ASRGL1: variants seen among roughly 807,000 people sequenced by gnomAD.
The protein encoded by ASRGL1 is isoaspartyl peptidase/L-asparaginase.
ASRGL1 carries 16 observed loss-of-function variants against 22.4 expected under a neutral mutation model. The ratio of observed to expected loss-of-function variants is 0.71; its 90% CI spans 0.48 to 1.08. The LOEUF is 1.08. Ranked by LOEUF, ASRGL1 falls within the 50% of genes least tolerant of loss-of-function variation. The pLI is 0.00. For missense variants in ASRGL1, 412 were observed against 410.1 expected, an observed-to-expected ratio of 1.00 and a Z score of -0.04; for synonymous variants, 165 against 159.3, an observed-to-expected ratio of 1.04 and a Z score of -0.27.
chr11:62,345,913 C>T (rs935434450), intron 2 of ASRGL1, among the ~76,000 whole-genome samples: 1 of 152,122 alleles, frequency 6.6e-6, no homozygotes, highest in Non-Finnish European at 1.5e-5. Context: ...AATGCTCATG[C>T]GCCTGCCACT....
rs550727059 is a variant in ASRGL1, at chr11:62,393,323, G to A, written c.*1039G>A. ...TTCTGCTGTATCATCCGTGCTCAAC[G>A]TTTTAGTCTGTCAGGCTCACCTTCT... On this transcript the variant is annotated 3_prime_UTR_variant, in exon 7 of 7. Coordinates refer to ENST00000415229, the MANE Select transcript of ASRGL1 (RefSeq NM_001083926.2). 1 of 152,298 alleles carries A rather than the reference G, an allele frequency of 6.6e-6. No individual in the cohort carries two copies. The highest frequency in any genetic ancestry group is 1.9e-4 in the East Asian group (1 of 5,192). 9.4% of individuals were successfully genotyped at this position (152,298 alleles called of 1,614,324 possible).
Position 62,357,441 on chromosome 11 carries a change from T to C in ASRGL1, c.491+297T>C, listed in dbSNP as rs1188347176. Among the ~76,000 whole-genome samples, 6 of 122,298 alleles carry C rather than the reference T, an allele frequency of 4.9e-5. No homozygotes were observed. In the East Asian group the frequency reaches 1.2e-3, roughly 24 times the overall value. The allele number at this position is 122,298 out of a possible 152,430, so 80.2% of individuals were successfully genotyped here. ...ATTTTTTTTTTTTTTTTTTTTTTTT[T>C]AGTAGAGGCGGGGTTTCGCCGTGTT... is the stretch of plus-strand genomic sequence containing the variant. On this transcript the variant is annotated intron_variant, in intron 4 of 6. Coordinates refer to ENST00000415229, the MANE Select transcript of ASRGL1 (RefSeq NM_001083926.2).
intron 4 of ASRGL1, among the ~76,000 whole-genome samples, chr11:62,361,481 AT>A (rs35345092): frequency 0.16 from 15,999 of 100,796 alleles, 744 homozygotes; most frequent in East Asian, 0.27. Flanking sequence ...AACCTGGCCA[AT>A]TTTTTTTTTT....
chr11:62,338,664 G>A (rs948215808), intron 2 of ASRGL1, among the ~76,000 whole-genome samples: 1 of 152,086 alleles, frequency 6.6e-6, no homozygotes, highest in Admixed American at 6.5e-5. Flanking sequence ...GGTTTAGCAC[G>A]GTGGCTCACG....
Position 62,391,532 on chromosome 11 carries a change from T to C in ASRGL1, c.621T>C (p.Gly207=). ...VGDSPCLGAG[G]YADNDIGAVS... ...ACCCTTTTTGAGCAGGAGCTGGAGG[T>C]TATGCCGACAATGACATCGGAGCCG... is the stretch of plus-strand genomic sequence containing the variant. The change falls in exon 6 of 7, where the codon GGT becomes GGC. Residue 207 remains glycine, a synonymous_variant. Transcript: ENST00000415229. 1 of 1,611,224 alleles carries C rather than the reference T, an allele frequency of 6.2e-7. No individual in the cohort carries two copies. The highest frequency in any genetic ancestry group is 8.5e-7 in the Non-Finnish European group (1 of 1,178,704).
At chr11:62,389,377 G>C in intron 5 of ASRGL1, 126 bp downstream of exon 5, 2 of 948,154 alleles carry the variant, frequency 2.1e-6, no homozygotes, top group Non-Finnish European at 3.4e-6. Context: ...GCAGCTCCAG[G>C]ATGTCTGGGA....
At chr11:62,388,327 A>C (rs1947261306) in intron 4 of ASRGL1, among the ~76,000 whole-genome samples, 1 of 152,164 alleles carries the variant, frequency 6.6e-6, no homozygotes, top group Admixed American at 6.6e-5. Flanking sequence ...CCCCATGCAC[A>C]GGGTCCATAG....
At chr11:62,374,313 A>G (rs1461992486) in intron 4 of ASRGL1, among the ~76,000 whole-genome samples, 1 of 152,150 alleles carries the variant, frequency 6.6e-6, no homozygotes, top group Non-Finnish European at 1.5e-5. Context: ...CGCTGTGTGC[A>G]CTGCACTGAG....
chr11:62,371,257 T>C, intron 4 of ASRGL1: 2 of 1,340,912 alleles, frequency 1.5e-6, no homozygotes, highest in Non-Finnish European at 2.0e-6. Flanking sequence ...TCCCGAGCGC[T>C]GCAGTAGCAG....
At chr11:62,391,038 A>G (rs1260511433) in intron 5 of ASRGL1, among the ~76,000 whole-genome samples, 7 of 152,310 alleles carry the variant, frequency 4.6e-5, no homozygotes, top group Admixed American at 3.9e-4. Context: ...CTCAGGTCCA[A>G]TTATGCCCAC....
chr11:62,388,133 C>T (rs1269277731), intron 4 of ASRGL1, among the ~76,000 whole-genome samples: 2 of 152,172 alleles, frequency 1.3e-5, no homozygotes, highest in Non-Finnish European at 2.9e-5. Context: ...GCAGTTGTCA[C>T]ACAATGGTAA....
At chr11:62,361,469 C>A (rs1318690397) in intron 4 of ASRGL1, among the ~76,000 whole-genome samples, 1 of 147,864 alleles carries the variant, frequency 6.8e-6, no homozygotes, top group Non-Finnish European at 1.5e-5. Context: ...GGTGAGCCAC[C>A]AAACCTGGCC....
At chr11:62,373,532 G>A (rs559640091) in intron 4 of ASRGL1, among the ~76,000 whole-genome samples, 13 of 151,596 alleles carry the variant, frequency 8.6e-5, no homozygotes, top group African/African-American at 2.9e-4. Flanking sequence ...AATTAGCATC[G>A]TGATCTAAGT....
intron 4 of ASRGL1, among the ~76,000 whole-genome samples, chr11:62,384,642 G>T (rs1947159031): frequency 6.7e-6 from 1 of 150,086 alleles, no homozygotes; most frequent in Admixed American, 6.7e-5. Context: ...ATGGCTGGGT[G>T]TGGTGGCTTA....
Position 62,378,723 on chromosome 11 carries a change from C to T in ASRGL1, c.492-10410C>T, listed in dbSNP as rs561162257. On this transcript the variant is annotated intron_variant, in intron 4 of 6. Transcript: ENST00000415229. ...TTACAAACACAGGAGAATTCCAAGG[C>T]GAGAACGAAGGCTCAATATGTCCCT... Among the ~76,000 whole-genome samples, 6 of 152,138 alleles carry T rather than the reference C, an allele frequency of 3.9e-5. No homozygotes were observed. In the South Asian group the frequency reaches 1.2e-3, roughly 32 times the overall value.
Position 62,337,483 on chromosome 11 carries a change from G to A in ASRGL1, c.-180G>A, listed in dbSNP as rs991406221. 9 of 160,244 alleles carry A rather than the reference G, an allele frequency of 5.6e-5. No individual in the cohort carries two copies. Among genetic ancestry groups the A allele is most frequent in the Non-Finnish European group, 1.2e-4 (9 of 73,394 alleles). The allele number at this position is 160,244 out of a possible 1,614,324, so 9.9% of individuals were successfully genotyped here. A position where few individuals can be genotyped will look rare whatever the true frequency, so the allele number is the denominator to read the frequency against. On this transcript the variant is annotated 5_prime_UTR_variant, in exon 1 of 7. Coordinates refer to ENST00000415229, the MANE Select transcript of ASRGL1 (RefSeq NM_001083926.2). ...GAGCGGTTGCGGGCTGAGCGGTTTC[G>A]AGCCGGCGTCGGGGAGCGGCGGTAC...
rs537718346 is a variant in ASRGL1, at chr11:62,389,293, C to T, written c.610+42C>T. On this transcript the variant is annotated intron_variant, in intron 5 of 6. Coordinates refer to ENST00000415229, the MANE Select transcript of ASRGL1 (RefSeq NM_001083926.2). ...CCTCCTGCCCCTTCCCCTCTTCTCCCGCCCTCAGGCTTTCCTCACTCTCTA... is the reference window on the plus strand; with the variant it reads ...CCTCCTGCCCCTTCCCCTCTTCTCCTGCCCTCAGGCTTTCCTCACTCTCTA... 293 of 1,533,004 alleles carry T rather than the reference C, an allele frequency of 1.9e-4. 1 individual carries two copies. The South Asian group carries it at 2.9e-3, about 15-fold the overall frequency. 95.0% of individuals were successfully genotyped at this position (1,533,004 alleles called of 1,614,324 possible). A position where few individuals can be genotyped will look rare whatever the true frequency, so the allele number is the denominator to read the frequency against.
At chr11:62,400,134 C>G in the ASRGL1 span, among the ~76,000 whole-genome samples, 1 of 152,188 alleles carries the variant, frequency 6.6e-6, no homozygotes, top group Non-Finnish European at 1.5e-5. Flanking sequence ...CATAGGCCAG[C>G]CCCTCCTGGC....
intron 2 of ASRGL1, among the ~76,000 whole-genome samples, chr11:62,351,663 A>T (rs1946169470): frequency 6.6e-6 from 1 of 151,634 alleles, no homozygotes; most frequent in African/African-American, 2.4e-5. Flanking sequence ...AAAAAAAAAA[A>T]ATCGTTTTTT....
Sources: gnomAD v4.1 joint callset for allele counts (sites outside exome capture counted in the v4.1 genomes callset) on GRCh38, gnomAD v4.1.1 for gene constraint, MANE v1.5 for transcripts, NCBI Gene and HGNC (gene_info 2026-07-23, HGNC 2026-07-21) for gene names.